The following GPHN variants were observed in gnomAD, a reference collection of about 807,000 sequenced individuals.
The protein encoded by GPHN is gephyrin.
GPHN carries 17 observed loss-of-function variants against 95.5 expected under a neutral mutation model. That is an observed-to-expected ratio of 0.18 (90% CI 0.12 to 0.27). The LOEUF (loss-of-function observed/expected upper bound fraction) is 0.27, where lower values mean the gene tolerates loss of function less well. GPHN is among the 10% of genes least tolerant of loss of function. GPHN has a pLI of 1.00. For synonymous variants in GPHN, 320 were observed against 322.5 expected, an observed-to-expected ratio of 0.99 and a Z score of 0.08; for missense variants, 660 against 978.1, an observed-to-expected ratio of 0.67 and a Z score of 4.34.
intron 2 of GPHN, among the ~76,000 whole-genome samples, chr14:66,740,894 T>C (rs1048943403): frequency 1.3e-5 from 2 of 152,162 alleles, no homozygotes; most frequent in Admixed American, 6.5e-5. Context: ...GATTAGGTAA[T>C]TTATAAAGAA....
intron 9 of GPHN, among the ~76,000 whole-genome samples, chr14:66,974,292 G>C (rs1303131051): frequency 6.6e-6 from 1 of 152,054 alleles, no homozygotes; most frequent in Non-Finnish European, 1.5e-5. Flanking sequence ...ATTTTCAATA[G>C]TTTTCCTCTG....
chr14:66,709,828 T>A (rs1215356571), intron 2 of GPHN, among the ~76,000 whole-genome samples: 1 of 152,084 alleles, frequency 6.6e-6, no homozygotes, highest in Non-Finnish European at 1.5e-5. Context: ...AGGGGAAATG[T>A]ATCTTTTTGT....
chr14:67,561,771 G>C, the GPHN span, among the ~76,000 whole-genome samples: 3 of 151,338 alleles, frequency 2.0e-5, no homozygotes, highest in African/African-American at 7.3e-5. Context: ...TCAGGAGGCT[G>C]AGGTGGGAGG....
chr14:67,423,587 G>C, the GPHN span, among the ~76,000 whole-genome samples: 2 of 152,250 alleles, frequency 1.3e-5, no homozygotes, highest in East Asian at 3.9e-4. Flanking sequence ...CATAGGAAAG[G>C]GGAAGTGGTA....
the GPHN span, among the ~76,000 whole-genome samples, chr14:67,291,648 A>G: frequency 3.9e-5 from 6 of 152,210 alleles, no homozygotes; most frequent in Non-Finnish European, 8.8e-5. Context: ...ATTTATGCAC[A>G]CTAACAGGCA....
chr14:66,686,711 GTTC>G (rs2067385717), intron 2 of GPHN, among the ~76,000 whole-genome samples: 1 of 151,974 alleles, frequency 6.6e-6, no homozygotes, highest in Non-Finnish European at 1.5e-5. Flanking sequence ...GACAATTTGA[GTTC>G]TTCTTTTCCT....
At chr14:66,794,120 A>G (rs372351776) in intron 3 of GPHN, among the ~76,000 whole-genome samples, 1 of 152,156 alleles carries the variant, frequency 6.6e-6, no homozygotes, top group South Asian at 2.1e-4. Context: ...TATAGTCTGG[A>G]TCTGTGTCCA....
At chr14:67,473,468 C>G in the GPHN span, 2 of 1,614,212 alleles carry the variant, frequency 1.2e-6, no homozygotes, top group South Asian at 1.1e-5. This position sits in a 1 kb window ranked among gnomAD's most constrained non-coding sequence, Gnocchi z 6.5. Flanking sequence ...CGCCGCTGGG[C>G]TCCCCGGGCT....
the GPHN span, among the ~76,000 whole-genome samples, chr14:67,492,986 C>T: frequency 2.6e-4 from 40 of 152,056 alleles, no homozygotes; most frequent in Admixed American, 1.7e-3. Context: ...TAAAGAAACC[C>T]GATGCTGGAA....
chr14:67,323,232 C>CGTGTGTATGTGTGTGT, the GPHN span, among the ~76,000 whole-genome samples: 2 of 143,592 alleles, frequency 1.4e-5, no homozygotes, highest in Middle Eastern at 3.2e-3. Flanking sequence ...CATATATACA[C>CGTGTGTATGTGTGTGT]GTGTGTGTGT....
At chr14:67,619,774 C>T in the GPHN span, 1 of 540,256 alleles carries the variant, frequency 1.9e-6, no homozygotes, top group South Asian at 2.2e-5. Context: ...ACGTCCCAGC[C>T]TTGCAGAGCG....
chr14:66,508,358 C>A lies in GPHN; in HGVS notation c.-170C>A. Reference sequence around the variant, plus strand: ...CGCGCACTCCCGGCGCGGCCTCTCCCCCACGCAGGCCACCGTGCACTCTGT... The same window carrying A: ...CGCGCACTCCCGGCGCGGCCTCTCCACCACGCAGGCCACCGTGCACTCTGT... On this transcript the variant is annotated 5_prime_UTR_variant, in exon 1 of 23. Coordinates refer to ENST00000478722, the MANE Select transcript of GPHN (RefSeq NM_020806.5). The A allele has an allele frequency of 1.4e-6, 1 of 689,916 alleles. No individual in the cohort carries two copies. The highest frequency in any genetic ancestry group is 2.6e-6 in the Non-Finnish European group (1 of 385,342). The allele number at this position is 689,916 out of a possible 1,614,324, so 42.7% of individuals were successfully genotyped here. A position where few individuals can be genotyped will look rare whatever the true frequency, so the allele number is the denominator to read the frequency against.
At chr14:66,754,177 G>A (rs1218847422) in intron 2 of GPHN, among the ~76,000 whole-genome samples, 2 of 151,880 alleles carry the variant, frequency 1.3e-5, no homozygotes, top group Non-Finnish European at 2.9e-5. Context: ...TCATTTACAA[G>A]TGTTTGTACA....
chr14:67,144,250 AATATATATATATATATATATATATATAT>A (rs71129810), intron 18 of GPHN, among the ~76,000 whole-genome samples: 1 of 57,772 alleles, frequency 1.7e-5, no homozygotes, highest in South Asian at 7.5e-4. Flanking sequence ...AAAAAAAAAA[AATATATATATATATATATATATATATAT>A]ATATATATAC....
At chr14:67,448,856 A>C in the GPHN span, among the ~76,000 whole-genome samples, 1 of 152,176 alleles carries the variant, frequency 6.6e-6, no homozygotes, top group African/African-American at 2.4e-5. Flanking sequence ...AAGAGGTAGA[A>C]TTGGAGGAAG....
At chr14:67,668,962 AG>A in the GPHN span, among the ~76,000 whole-genome samples, 2 of 152,342 alleles carry the variant, frequency 1.3e-5, no homozygotes, top group South Asian at 4.1e-4. Context: ...GGAAAAAAAA[AG>A]GTAAGAATAG....
the GPHN span, chr14:67,611,156 C>A: frequency 6.5e-6 from 1 of 152,752 alleles, no homozygotes; most frequent in Non-Finnish European, 1.5e-5. Context: ...TGCCCCTGGG[C>A]TATGACCACT....
chr14:67,584,357 TCACA>T, the GPHN span, among the ~76,000 whole-genome samples: 2,860 of 152,310 alleles, frequency 0.019, 77 homozygotes, highest in African/African-American at 0.061. Flanking sequence ...ATCAACTAAT[TCACA>T]CACACAAAGA....
rs569308202 is a variant in GPHN, at chr14:67,091,689, T to TA, written c.1237+2625dup. Among the ~76,000 whole-genome samples the TA allele has an allele frequency of 1.3e-3, 187 of 147,530 alleles. 2 individuals are homozygous for TA. Among genetic ancestry groups the TA allele is most frequent in the Admixed American group, 2.3e-3 (34 of 14,818 alleles). ...TTACATGAGCTAGCAGCAGCTCAAT[T>TA]AAAAAAAAAAATGGTTGCTGTTAGC... is the stretch of plus-strand genomic sequence containing the variant. On this transcript the variant is annotated intron_variant, in intron 12 of 22. Coordinates refer to ENST00000478722, the MANE Select transcript of GPHN (RefSeq NM_020806.5).
Sources: allele counts gnomAD v4.1 joint callset (sites outside exome capture counted in the v4.1 genomes callset), GRCh38; gene constraint gnomAD v4.1.1; non-coding constraint Gnocchi (gnomAD v3.1); transcripts MANE v1.5; gene names NCBI Gene and HGNC (gene_info 2026-07-23, HGNC 2026-07-21).